Variants in ARHGAP10 observed in about 807,000 individuals in gnomAD.
ARHGAP10 encodes the protein Rho GTPase activating protein 10.
Under a neutral mutation model 108.6 loss-of-function variants are expected in ARHGAP10, and 87 were observed. That is an observed-to-expected ratio of 0.80 (90% CI 0.67 to 0.96). The LOEUF (loss-of-function observed/expected upper bound fraction) is 0.96. Ranked by LOEUF, ARHGAP10 falls within the 40% of genes least tolerant of loss-of-function variation. ARHGAP10 has a pLI of 0.00. For missense variants in ARHGAP10, 939 were observed against 954.5 expected, an observed-to-expected ratio of 0.98 and a Z score of 0.21; for synonymous variants, 347 against 341.1, an observed-to-expected ratio of 1.02 and a Z score of -0.19.
chr4:147,895,349 A>T (rs924635092), intron 10 of ARHGAP10, among the ~76,000 whole-genome samples: 7 of 152,120 alleles, frequency 4.6e-5, no homozygotes, highest in African/African-American at 1.7e-4. Context: ...AGGATTTTTA[A>T]ATGTACACAG....
intron 5 of ARHGAP10, among the ~76,000 whole-genome samples, chr4:147,859,961 TA>T (rs1174936572): frequency 1.3e-5 from 2 of 152,358 alleles, no homozygotes; most frequent in African/African-American, 4.8e-5. Flanking sequence ...AAGCCCTTAA[TA>T]GGGGGGATGC....
intron 18 of ARHGAP10, among the ~76,000 whole-genome samples, chr4:147,995,033 C>T (rs1391916159): frequency 6.6e-6 from 1 of 152,230 alleles, no homozygotes; most frequent in Non-Finnish European, 1.5e-5. Context: ...TCTAGGGCCA[C>T]AGACAGATCC....
At chr4:148,001,707 C>T (rs1168298895) in intron 18 of ARHGAP10, among the ~76,000 whole-genome samples, 2 of 151,878 alleles carry the variant, frequency 1.3e-5, no homozygotes, top group Non-Finnish European at 2.9e-5. Context: ...TGATTTGGCT[C>T]TCTGTTTGTC....
chr4:147,922,538 A>G (rs1737287663), intron 13 of ARHGAP10, among the ~76,000 whole-genome samples: 1 of 151,050 alleles, frequency 6.6e-6, no homozygotes, highest in Non-Finnish European at 1.5e-5. Context: ...AACTACAAAA[A>G]ATAGCCGGGC....
rs549204747 is a variant in ARHGAP10 at position 147,905,828 on chromosome 4, T to C, written c.1035-810T>C. Reference sequence around the variant, plus strand: ...AATCTATAAATTACCTTGGGCAGTATGGCCATTTTCACGATATTGATTCTT... The same window carrying C: ...AATCTATAAATTACCTTGGGCAGTACGGCCATTTTCACGATATTGATTCTT... On this transcript the variant is annotated intron_variant, in intron 10 of 22. Coordinates refer to ENST00000336498, the MANE Select transcript of ARHGAP10 (RefSeq NM_024605.4). 3.2e-3 allele frequency among the ~76,000 whole-genome samples: 491 copies of C among 152,006 alleles called. 1 individual carries two copies. The highest frequency in any genetic ancestry group is 0.011 in the African/African-American group (449 of 41,520).
chr4:147,915,932 T>C (rs1736962383), intron 13 of ARHGAP10, among the ~76,000 whole-genome samples: 1 of 152,134 alleles, frequency 6.6e-6, no homozygotes, highest in South Asian at 2.1e-4. Context: ...AGCATGACCC[T>C]GTCTGTATAA....
chr4:147,787,608 A>G (rs991666437), intron 1 of ARHGAP10, among the ~76,000 whole-genome samples: 3 of 152,120 alleles, frequency 2.0e-5, no homozygotes, highest in African/African-American at 4.8e-5. Flanking sequence ...TTAGAATGAG[A>G]AAAACCTCAT....
At chr4:147,743,074 C>T (rs187453053) in intron 1 of ARHGAP10, among the ~76,000 whole-genome samples, 4 of 151,070 alleles carry the variant, frequency 2.6e-5, no homozygotes, top group Non-Finnish European at 5.9e-5. Flanking sequence ...CACTCTGTCA[C>T]CCAGGCTGCA....
At chr4:147,808,073 C>G (rs1731859607) in intron 1 of ARHGAP10, among the ~76,000 whole-genome samples, 1 of 152,112 alleles carries the variant, frequency 6.6e-6, no homozygotes, top group Admixed American at 6.6e-5. Flanking sequence ...CAGTAATCTA[C>G]CGATTTAGAA....
At chr4:147,760,616 A>G (rs907821149) in intron 1 of ARHGAP10, among the ~76,000 whole-genome samples, 7 of 152,212 alleles carry the variant, frequency 4.6e-5, no homozygotes, top group African/African-American at 1.7e-4. Flanking sequence ...TCTGTTGGAC[A>G]TACACAGAGA....
At chr4:147,801,308 CT>C (rs890128095) in intron 1 of ARHGAP10, among the ~76,000 whole-genome samples, 4 of 152,196 alleles carry the variant, frequency 2.6e-5, no homozygotes, top group African/African-American at 4.8e-5. Context: ...TTAGACTCCT[CT>C]TAATGAATCC....
chr4:147,801,971 T>C (rs1445279171), intron 1 of ARHGAP10, among the ~76,000 whole-genome samples: 1 of 152,196 alleles, frequency 6.6e-6, no homozygotes, highest in African/African-American at 2.4e-5. Flanking sequence ...ATGGGAGGCA[T>C]TGATTTCTCT....
At chr4:147,958,331 T>C (rs1310023913) in intron 16 of ARHGAP10, among the ~76,000 whole-genome samples, 1 of 152,222 alleles carries the variant, frequency 6.6e-6, no homozygotes, top group Non-Finnish European at 1.5e-5. Context: ...GAAAAATCTC[T>C]TCACTGTCAG....
At chr4:147,875,574 C>T (rs1015263034) in intron 8 of ARHGAP10, among the ~76,000 whole-genome samples, 1 of 152,192 alleles carries the variant, frequency 6.6e-6, no homozygotes, top group Non-Finnish European at 1.5e-5. Flanking sequence ...TATACGTCCT[C>T]TCCCTCCCAT....
chr4:147,749,293 T>C, intron 1 of ARHGAP10, among the ~76,000 whole-genome samples: 1 of 152,162 alleles, frequency 6.6e-6, no homozygotes, highest in South Asian at 2.1e-4. Flanking sequence ...AGGAAAAAAT[T>C]TAGATTAAAA....
intron 10 of ARHGAP10, among the ~76,000 whole-genome samples, chr4:147,906,122 C>T (rs1174244111): frequency 6.6e-6 from 1 of 152,118 alleles, no homozygotes; most frequent in East Asian, 1.9e-4. Flanking sequence ...TTTCTTAACG[C>T]TCCTCTGCCA....
At chr4:147,977,782 G>A (rs1340447737) in intron 18 of ARHGAP10, among the ~76,000 whole-genome samples, 1 of 152,000 alleles carries the variant, frequency 6.6e-6, no homozygotes, top group Non-Finnish European at 1.5e-5. Context: ...TCAACAGGAA[G>A]TTTTTCCACC....
intron 13 of ARHGAP10, among the ~76,000 whole-genome samples, chr4:147,928,160 C>T (rs1384452873): frequency 6.6e-6 from 1 of 152,124 alleles, no homozygotes; most frequent in African/African-American, 2.4e-5. Context: ...GACTTGGATT[C>T]GGGAGGATGA....
At chr4:147,933,655 A>G (rs987387063) in intron 13 of ARHGAP10, among the ~76,000 whole-genome samples, 5 of 152,200 alleles carry the variant, frequency 3.3e-5, no homozygotes, top group African/African-American at 4.8e-5. Context: ...GGGAAGACCC[A>G]AAAAAGATAC....
Sources: gnomAD v4.1 joint callset for allele counts (sites outside exome capture counted in the v4.1 genomes callset) on GRCh38, gnomAD v4.1.1 for gene constraint, MANE v1.5 for transcripts, NCBI Gene and HGNC (gene_info 2026-07-23, HGNC 2026-07-21) for gene names.